MTA3: variants seen among roughly 807,000 people sequenced by gnomAD.
MTA3 encodes metastasis associated 1 family member 3.
A neutral mutation model predicts 83.5 loss-of-function variants in MTA3; 34 were observed. That is an observed-to-expected ratio of 0.41 (90% CI 0.31 to 0.54). The LOEUF (loss-of-function observed/expected upper bound fraction) is 0.54, where lower values mean the gene tolerates loss of function less well. Among genes scored for constraint, MTA3 ranks in the 20% least tolerant of loss-of-function variants. The probability of loss-of-function intolerance (pLI) is 0.33; values close to 1 mark genes in which losing one functional copy is unlikely to be tolerated. For synonymous variants in MTA3, 303 were observed against 252.7 expected, an observed-to-expected ratio of 1.20 and a Z score of -1.89; for missense variants, 761 against 726.4, an observed-to-expected ratio of 1.05 and a Z score of -0.55.
At chr2:42,530,716 C>T (rs1675924663) in intron 2 of MTA3, among the ~76,000 whole-genome samples, 1 of 151,232 alleles carries the variant, frequency 6.6e-6, no homozygotes, top group Admixed American at 6.6e-5. Context: ...ACCTGGGAGG[C>T]GGAGGTTGCG....
At chr2:42,712,584 A>G (rs1396297891) in intron 14 of MTA3, among the ~76,000 whole-genome samples, 1 of 152,222 alleles carries the variant, frequency 6.6e-6, no homozygotes, top group African/African-American at 2.4e-5. Context: ...AAAAGTTACT[A>G]ACATTGGTAA....
chr2:42,538,772 T>TG (rs1298660757), intron 2 of MTA3, among the ~76,000 whole-genome samples: 6 of 138,146 alleles, frequency 4.3e-5, no homozygotes, highest in East Asian at 2.1e-4. Context: ...TTTTTGTTTT[T>TG]TTTTGTTTTT....
intron 6 of MTA3, among the ~76,000 whole-genome samples, chr2:42,654,343 G>T (rs1186724310): frequency 6.6e-6 from 1 of 152,150 alleles, no homozygotes; most frequent in Non-Finnish European, 1.5e-5. Flanking sequence ...TCAGTCACTG[G>T]GGAATGGTTG....
At chr2:42,515,931 C>G (rs1572906998) in intron 2 of MTA3, among the ~76,000 whole-genome samples, 2 of 151,380 alleles carry the variant, frequency 1.3e-5, no homozygotes, top group South Asian at 2.1e-4. Context: ...AGCTCTGCCT[C>G]CCGGGTTCAC....
At chr2:42,618,246 C>G (rs1439105179) in intron 4 of MTA3, among the ~76,000 whole-genome samples, 1 of 152,098 alleles carries the variant, frequency 6.6e-6, no homozygotes, top group Non-Finnish European at 1.5e-5. Context: ...GAAAACAACT[C>G]TTAATCTTCC....
intron 2 of MTA3, chr2:42,532,873 C>T: frequency 2.9e-6 from 1 of 348,554 alleles, no homozygotes; most frequent in East Asian, 7.5e-5. Context: ...TGAACCCAGG[C>T]ACCTTTCTCT....
chr2:42,722,276 A>G (rs778458096), intron 15 of MTA3, among the ~76,000 whole-genome samples: 19 of 152,228 alleles, frequency 1.2e-4, no homozygotes, highest in African/African-American at 3.4e-4. Flanking sequence ...AAACATGCAT[A>G]TACCACAGGC....
At position 42,708,012 on chromosome 2, in the gene MTA3, C is replaced by T; in HGVS notation, c.1260C>T (p.Thr420=). 6.2e-7 allele frequency: 1 copy of T among 1,613,372 alleles called. No individual in the cohort carries two copies. Among genetic ancestry groups the T allele is most frequent in the Non-Finnish European group, 8.5e-7 (1 of 1,179,742 alleles). ...WKKYGGLKMP[T]QSEEEKLSPS... ...AATATGGAGGCTTGAAAATGCCCAC[C>T]CAGTCAGAAGAAGAGAAGTTATCTC... Residue 420 remains threonine, a synonymous_variant, in exon 13 of 17, where the codon ACC becomes ACT. Transcript: ENST00000405094.
chr2:42,697,338 C>G (rs1693479322), intron 10 of MTA3, among the ~76,000 whole-genome samples: 1 of 152,026 alleles, frequency 6.6e-6, no homozygotes, highest in Non-Finnish European at 1.5e-5. Flanking sequence ...ACTCCTCTTG[C>G]CTGGATTTTG....
chr2:42,675,238 C>T (rs1049179874), intron 8 of MTA3, among the ~76,000 whole-genome samples: 11 of 151,636 alleles, frequency 7.3e-5, no homozygotes, highest in African/African-American at 2.4e-4. Flanking sequence ...TGAGTTCAAG[C>T]GATTCTCCTA....
At chr2:42,714,875 C>G (rs1444304127) in intron 14 of MTA3, among the ~76,000 whole-genome samples, 2 of 152,350 alleles carry the variant, frequency 1.3e-5, no homozygotes, top group Non-Finnish European at 1.5e-5. Flanking sequence ...TGCCACTGAC[C>G]TGACAGGAGG....
intron 2 of MTA3, among the ~76,000 whole-genome samples, chr2:42,547,679 C>T (rs535783627): frequency 3.9e-5 from 6 of 152,320 alleles, no homozygotes; most frequent in African/African-American, 1.4e-4. Flanking sequence ...GCTTCTGGGA[C>T]TGGCCAAGAC....
intron 3 of MTA3, 111 bp downstream of exon 3, chr2:42,579,311 T>C: frequency 2.6e-6 from 2 of 765,998 alleles, no homozygotes; most frequent in Non-Finnish European, 4.2e-6. Context: ...ATTTATCTTC[T>C]TTGTAGTTTT....
intron 14 of MTA3, among the ~76,000 whole-genome samples, chr2:42,718,327 A>G (rs1667171473): frequency 6.6e-6 from 1 of 151,824 alleles, no homozygotes; most frequent in Non-Finnish European, 1.5e-5. Flanking sequence ...GGCTCACCGC[A>G]ATGTCCACCT....
At chr2:42,502,635 C>A (rs1461097093) in intron 2 of MTA3, among the ~76,000 whole-genome samples, 2 of 151,920 alleles carry the variant, frequency 1.3e-5, no homozygotes, top group Non-Finnish European at 2.9e-5. Flanking sequence ...CTCGTCTCTA[C>A]TAAAAATACA....
intron 8 of MTA3, among the ~76,000 whole-genome samples, chr2:42,675,304 T>A (rs754505902): frequency 5.9e-5 from 9 of 151,954 alleles, no homozygotes; most frequent in Non-Finnish European, 1.2e-4. Context: ...CCCAGCTAAT[T>A]TTTGTATTTT....
chr2:42,505,754 G>A (rs1480275025), intron 2 of MTA3, among the ~76,000 whole-genome samples: 1 of 150,224 alleles, frequency 6.7e-6, no homozygotes, highest in Non-Finnish European at 1.5e-5. Context: ...GAAACGAGAT[G>A]GGCCACAAAT....
chr2:42,621,763 CTTCA>C (rs1204390080), intron 4 of MTA3, among the ~76,000 whole-genome samples: 3 of 151,454 alleles, frequency 2.0e-5, no homozygotes, highest in African/African-American at 7.3e-5. Context: ...CGGAGGGGCT[CTTCA>C]CTTCTCAGAC....
chr2:42,615,647 C>T (rs1220800802), intron 4 of MTA3, among the ~76,000 whole-genome samples: 1 of 150,478 alleles, frequency 6.6e-6, no homozygotes, highest in African/African-American at 2.4e-5. Context: ...AGCCACTGCG[C>T]CTGGCCAATT....
Sources: allele counts gnomAD v4.1 joint callset (sites outside exome capture counted in the v4.1 genomes callset), GRCh38; gene constraint gnomAD v4.1.1; transcripts MANE v1.5; gene names NCBI Gene and HGNC (gene_info 2026-07-23, HGNC 2026-07-21).